The following OCA2 variants were observed in gnomAD, a reference collection of about 807,000 sequenced individuals.
OCA2 encodes the protein P protein.
In OCA2, 77 loss-of-function variants were observed where a neutral mutation model predicts 100.2. That is an observed-to-expected ratio of 0.77 (90% CI 0.64 to 0.93). OCA2 has a LOEUF of 0.93. Among genes scored for constraint, OCA2 ranks in the 40% least tolerant of loss-of-function variants. OCA2 has a pLI of 0.00. For synonymous variants in OCA2, 432 were observed against 439.2 expected, an observed-to-expected ratio of 0.98 and a Z score of 0.21; for missense variants, 1,062 against 1,089.1, an observed-to-expected ratio of 0.98 and a Z score of 0.35.
intron 19 of OCA2, among the ~76,000 whole-genome samples, chr15:27,909,003 G>A (rs536524180): frequency 6.6e-6 from 1 of 152,126 alleles, no homozygotes; most frequent in African/African-American, 2.4e-5. Flanking sequence ...GGCATTCATA[G>A]GCCTGCTGTG....
At chr15:28,006,513 A>C (rs1209078489) in intron 9 of OCA2, among the ~76,000 whole-genome samples, 3 of 152,264 alleles carry the variant, frequency 2.0e-5, no homozygotes, top group African/African-American at 7.2e-5. Context: ...CCCAGTGGCC[A>C]GAAGACCTAT....
chr15:27,872,185 G>A (rs1335560568), intron 19 of OCA2, among the ~76,000 whole-genome samples: 2 of 152,100 alleles, frequency 1.3e-5, no homozygotes, highest in South Asian at 2.1e-4. Flanking sequence ...ATTTAAATCC[G>A]AATGGAAGAC....
At chr15:27,990,499 A>G in intron 10 of OCA2, 77 bp downstream of exon 10, 1 of 1,448,412 alleles carries the variant, frequency 6.9e-7, no homozygotes, top group South Asian at 1.1e-5. Flanking sequence ...AAACCAGCGA[A>G]AGCCTGAATC....
intron 23 of OCA2, among the ~76,000 whole-genome samples, chr15:27,799,390 T>C (rs1232363311): frequency 6.6e-6 from 1 of 151,802 alleles, no homozygotes; most frequent in African/African-American, 2.4e-5. Flanking sequence ...TAGAGAAAAA[T>C]AGGGAGGAAA....
chr15:27,854,949 A>T (rs986265291), intron 21 of OCA2, among the ~76,000 whole-genome samples: 1 of 152,192 alleles, frequency 6.6e-6, no homozygotes, highest in Non-Finnish European at 1.5e-5. Context: ...GTGATGTGGA[A>T]ATTCCAGCAA....
At chr15:27,807,589 T>G (rs1253535995) in intron 23 of OCA2, among the ~76,000 whole-genome samples, 1 of 152,112 alleles carries the variant, frequency 6.6e-6, no homozygotes, top group Non-Finnish European at 1.5e-5. Context: ...ACATGCTCCT[T>G]TGCTTGATGG....
At chr15:28,063,262 C>CT (rs1436143816) in intron 2 of OCA2, among the ~76,000 whole-genome samples, 2 of 151,816 alleles carry the variant, frequency 1.3e-5, no homozygotes, top group Non-Finnish European at 2.9e-5. Flanking sequence ...CATGATATAC[C>CT]TTTTTCCATT....
chr15:28,098,644 A>G (rs1485414543), intron 1 of OCA2, among the ~76,000 whole-genome samples: 1 of 152,208 alleles, frequency 6.6e-6, no homozygotes, highest in Admixed American at 6.5e-5. Flanking sequence ...AGCACCGGGC[A>G]CTTGTCCTGA....
chr15:27,965,803 C>T (rs985008806), intron 15 of OCA2, among the ~76,000 whole-genome samples: 1 of 152,220 alleles, frequency 6.6e-6, no homozygotes, highest in Non-Finnish European at 1.5e-5. Context: ...CAAGGAAAGG[C>T]TGCTTGTTTC....
chr15:27,909,485 C>T (rs186374792), intron 19 of OCA2, among the ~76,000 whole-genome samples: 1 of 152,132 alleles, frequency 6.6e-6, no homozygotes, highest in Non-Finnish European at 1.5e-5. Flanking sequence ...GGGGACATAA[C>T]TAGCCCTACC....
At chr15:27,770,842 TTTCC>T (rs1340587827) in intron 23 of OCA2, among the ~76,000 whole-genome samples, 2 of 121,088 alleles carry the variant, frequency 1.7e-5, no homozygotes, top group African/African-American at 3.4e-5. Flanking sequence ...TCCTCCCTCT[TTTCC>T]TTCCTTCCTT....
chr15:27,728,824 T>C, the OCA2 span, among the ~76,000 whole-genome samples: 1,001 of 152,322 alleles, frequency 6.6e-3, 3 homozygotes, highest in Middle Eastern at 0.02. Context: ...TTCCAGAAAG[T>C]GTAGAGCCAT....
At chr15:27,955,101 C>T in intron 17 of OCA2, 57 bp downstream of exon 17, 2 of 1,229,200 alleles carry the variant, frequency 1.6e-6, no homozygotes, top group Admixed American at 1.7e-5. Context: ...AAAGGCATCA[C>T]TCACTCTCTT....
chr15:27,963,173 A>G (rs1462902215), intron 15 of OCA2, among the ~76,000 whole-genome samples: 1 of 152,220 alleles, frequency 6.6e-6, no homozygotes, highest in Non-Finnish European at 1.5e-5. Context: ...AAACAAATCT[A>G]TAATCAACCT....
At chr15:27,925,196 C>G (rs2038999976) in intron 19 of OCA2, among the ~76,000 whole-genome samples, 1 of 152,170 alleles carries the variant, frequency 6.6e-6, no homozygotes, top group Non-Finnish European at 1.5e-5. Context: ...CAGAATATCA[C>G]TAATAATGTG....
chr15:28,001,558 C>A (rs1336595489), intron 9 of OCA2, among the ~76,000 whole-genome samples: 1 of 152,126 alleles, frequency 6.6e-6, no homozygotes, highest in African/African-American at 2.4e-5. Context: ...TAAAACATAA[C>A]CAACTACTTG....
intron 2 of OCA2, among the ~76,000 whole-genome samples, chr15:28,069,617 C>T (rs1378708290): frequency 9.8e-5 from 14 of 142,226 alleles, no homozygotes; most frequent in African/African-American, 2.6e-4. Context: ...TTGGCCGGGC[C>T]GGTCTCCAGC....
Position 28,022,573 on chromosome 15 carries a change from T to C in OCA2, c.574A>G (p.Ile192Val), listed in dbSNP as rs2042628172. The C allele has an allele frequency of 9.3e-6, 15 of 1,612,306 alleles. No homozygotes were observed. The highest frequency in any genetic ancestry group is 8.5e-6 in the Non-Finnish European group (10 of 1,178,418). Residue 192 changes from isoleucine to valine, a missense_variant and splice_region_variant, in exon 6 of 24, where the codon ATT (isoleucine) becomes GTT (valine). Transcript: ENST00000354638. ...GLFAFVVLCSILFSLYPDQGK... is the reference protein window; with the variant it reads ...GLFAFVVLCSVLFSLYPDQGK... The stretch of plus-strand genomic sequence containing the variant: ...TGATCCGGATATAGGCTGAACAAAA[T>C]CTGTAACAATCAGAAACGTTGAATG...
At chr15:27,808,158 G>C (rs2033932780) in intron 23 of OCA2, among the ~76,000 whole-genome samples, 1 of 152,280 alleles carries the variant, frequency 6.6e-6, no homozygotes, top group Non-Finnish European at 1.5e-5. Flanking sequence ...TAAGGGAACA[G>C]AGTGTAAAAC....
Sources: gnomAD v4.1 joint callset for allele counts (sites outside exome capture counted in the v4.1 genomes callset) on GRCh38, gnomAD v4.1.1 for gene constraint, MANE v1.5 for transcripts, NCBI Gene and HGNC (gene_info 2026-07-23, HGNC 2026-07-21) for gene names.